Variants in CYB5R4 observed in about 807,000 individuals in gnomAD.
CYB5R4 encodes cytochrome b5 reductase 4.
CYB5R4 carries 55 observed loss-of-function variants against 70.2 expected under a neutral mutation model. The ratio of observed to expected loss-of-function variants is 0.78; its 90% CI spans 0.63 to 0.98. The LOEUF (loss-of-function observed/expected upper bound fraction) is 0.98. Among genes scored for constraint, CYB5R4 ranks in the 50% least tolerant of loss-of-function variants. The pLI is 0.00. For synonymous variants in CYB5R4, 197 were observed against 199.5 expected (o/e 0.99, Z 0.11); for missense variants, 562 against 612.6 (o/e 0.92, Z 0.87).
chr6:83,900,859 GTC>G (rs1216361853), intron 3 of CYB5R4, among the ~76,000 whole-genome samples: 4 of 152,116 alleles, frequency 2.6e-5, no homozygotes, highest in African/African-American at 7.2e-5. Flanking sequence ...GTCTATGTGT[GTC>G]TCTGCACGTG....
In CYB5R4 at chr6:83,924,592, G is replaced by C. The variant is rs1171051912; in HGVS notation, c.814G>C (p.Gly272Arg). Reference sequence around the variant, plus strand: ...TTCACTTATTCCAAGGAAAGATACAGGTATGCTGTGTTCTTTTGTTACGTT... The same window carrying C: ...TTCACTTATTCCAAGGAAAGATACACGTATGCTGTGTTCTTTTGTTACGTT... ...HNSLIPRKDTGLYYRKCQLIS... is the reference protein window; with the variant it reads ...HNSLIPRKDTRLYYRKCQLIS... The change falls in exon 10 of 16, where the codon GGT (glycine) becomes CGT (arginine). Residue 272 changes from glycine to arginine, a missense_variant and splice_region_variant. Physicochemically the swap from Gly to Arg is moderately radical, Grantham distance 125. Coordinates refer to ENST00000369681, the MANE Select transcript of CYB5R4 (RefSeq NM_016230.4). The C allele has an allele frequency of 6.2e-7, 1 of 1,611,716 alleles. No individual in the cohort carries two copies. Among genetic ancestry groups the C allele is most frequent in the Admixed American group, 1.7e-5 (1 of 59,558 alleles).
chr6:83,919,118 T>C (rs989994362), intron 6 of CYB5R4, among the ~76,000 whole-genome samples: 4 of 152,124 alleles, frequency 2.6e-5, no homozygotes, highest in Non-Finnish European at 5.9e-5. Flanking sequence ...AAGATTTTAG[T>C]AAAGAGATGT....
rs532779842 is a variant in CYB5R4 at position 83,898,692 on chromosome 6, T to G, written c.330+5070T>G. Among the ~76,000 whole-genome samples, 32 of 152,250 alleles carry G rather than the reference T, an allele frequency of 2.1e-4. No homozygotes were observed. In the South Asian group the frequency reaches 5.2e-3, roughly 25 times the overall value. On this transcript the variant is annotated intron_variant, in intron 3 of 15. Coordinates refer to ENST00000369681, the MANE Select transcript of CYB5R4 (RefSeq NM_016230.4). ...AGAGGTCCTTCACATCCCTTGTAAG[T>G]TGGATTCCTAGGTATTTTATTCTCT...
intron 1 of CYB5R4, among the ~76,000 whole-genome samples, chr6:83,863,644 A>G (rs999712603): frequency 2.0e-5 from 3 of 152,188 alleles, no homozygotes; most frequent in Non-Finnish European, 2.9e-5. Flanking sequence ...TTATATGGTC[A>G]GCCCTGTGTA....
intron 8 of CYB5R4, 107 bp downstream of exon 8, chr6:83,921,282 T>G: frequency 9.7e-7 from 1 of 1,029,314 alleles, no homozygotes; most frequent in Non-Finnish European, 1.3e-6. Context: ...GCTGTTACCA[T>G]TTTGGTTTGT....
At chr6:83,901,434 T>A (rs2099462941) in intron 3 of CYB5R4, among the ~76,000 whole-genome samples, 2 of 152,204 alleles carry the variant, frequency 1.3e-5, no homozygotes, top group African/African-American at 4.8e-5. Flanking sequence ...GACAATTATG[T>A]GTCTTGGAGT....
rs1290904213 is a variant in CYB5R4, at chr6:83,967,100, G to C, written c.*7222G>C. On this transcript the variant is annotated 3_prime_UTR_variant, in exon 16 of 16. Transcript: ENST00000369681. Reference sequence around the variant, plus strand: ...CTGATGGAAAAAAATGTGAGCCAAGGATTTTACACCCAACAAAACTTAATG... The same window carrying C: ...CTGATGGAAAAAAATGTGAGCCAAGCATTTTACACCCAACAAAACTTAATG... The C allele has an allele frequency of 6.6e-6, 1 of 152,180 alleles. No homozygotes were observed. Among genetic ancestry groups the C allele is most frequent in the Admixed American group, 6.5e-5 (1 of 15,284 alleles). The allele number at this position is 152,180 out of a possible 1,614,324, so 9.4% of individuals were successfully genotyped here.
At chr6:83,864,365 C>A in intron 2 of CYB5R4, 37 bp downstream of exon 2, 1 of 1,562,984 alleles carries the variant, frequency 6.4e-7, no homozygotes, top group Non-Finnish European at 8.7e-7. Flanking sequence ...AAAAATGTTG[C>A]CTGAACTTTC....
At chr6:83,915,765 A>G (rs1047786302) in intron 5 of CYB5R4, among the ~76,000 whole-genome samples, 8 of 152,112 alleles carry the variant, frequency 5.3e-5, no homozygotes, top group East Asian at 1.9e-4. Context: ...GGCTCATTTA[A>G]GTCTATGTGG....
At chr6:83,944,794 T>C (rs2099470308) in intron 14 of CYB5R4, among the ~76,000 whole-genome samples, 1 of 151,890 alleles carries the variant, frequency 6.6e-6, no homozygotes, top group South Asian at 2.1e-4. Context: ...AATCCTAGTT[T>C]CCGATAAAAC....
intron 4 of CYB5R4, 68 bp from the exon 5 acceptor site, chr6:83,914,348 T>C: frequency 6.9e-7 from 1 of 1,449,926 alleles, no homozygotes. Flanking sequence ...AAATCAGTAA[T>C]GTGGACTGAC....
At chr6:83,907,171 G>T (rs982040435) in intron 3 of CYB5R4, among the ~76,000 whole-genome samples, 1 of 152,026 alleles carries the variant, frequency 6.6e-6, no homozygotes, top group East Asian at 1.9e-4. Context: ...GAACTCCTGG[G>T]CTCAAGTGAT....
chr6:83,878,169 G>T (rs867344826), intron 2 of CYB5R4, among the ~76,000 whole-genome samples: 20 of 149,514 alleles, frequency 1.3e-4, no homozygotes, highest in Admixed American at 4.7e-4. Flanking sequence ...TTGTTTTATG[G>T]TTCCCATCTC....
intron 14 of CYB5R4, among the ~76,000 whole-genome samples, chr6:83,941,473 T>C (rs2099469757): frequency 1.3e-5 from 2 of 152,206 alleles, no homozygotes; most frequent in African/African-American, 4.8e-5. Context: ...TATGTATGTA[T>C]ATGAAAGGAT....
At chr6:83,878,828 C>T (rs866264152) in intron 2 of CYB5R4, among the ~76,000 whole-genome samples, 3 of 152,004 alleles carry the variant, frequency 2.0e-5, no homozygotes, top group African/African-American at 7.2e-5. Flanking sequence ...ATCAGTGTAC[C>T]ACAGACTTCA....
intron 3 of CYB5R4, among the ~76,000 whole-genome samples, chr6:83,901,705 G>GTT (rs34070915): frequency 0.19 from 27,077 of 143,880 alleles, 5,274 homozygotes; most frequent in African/African-American, 0.48. Flanking sequence ...ATTATTTCTT[G>GTT]TTTTTTTTTT....
chr6:83,955,609 G>C, intron 15 of CYB5R4, 147 bp downstream of exon 15: 1 of 794,296 alleles, frequency 1.3e-6, no homozygotes. Flanking sequence ...TTAAATCTTC[G>C]TATAGTTTGA....
intron 3 of CYB5R4, among the ~76,000 whole-genome samples, chr6:83,901,035 G>A (rs1190048237): frequency 6.6e-6 from 1 of 152,214 alleles, no homozygotes; most frequent in Non-Finnish European, 1.5e-5. Flanking sequence ...TTGCTCGTTA[G>A]CTGATGCAGT....
chr6:83,918,331 A>G (rs951849699), intron 6 of CYB5R4, among the ~76,000 whole-genome samples: 4 of 152,106 alleles, frequency 2.6e-5, no homozygotes, highest in Non-Finnish European at 5.9e-5. Flanking sequence ...TGATTATAAA[A>G]AAATACATTA....
Sources: gnomAD v4.1 joint callset for allele counts (sites outside exome capture counted in the v4.1 genomes callset) on GRCh38, gnomAD v4.1.1 for gene constraint, MANE v1.5 for transcripts, NCBI Gene and HGNC (gene_info 2026-07-23, HGNC 2026-07-21) for gene names.